CLSTN2: variants seen among roughly 807,000 people sequenced by gnomAD.
CLSTN2 encodes calsyntenin 2.
A neutral mutation model predicts 101.2 loss-of-function variants in CLSTN2; 48 were observed. The ratio of observed to expected loss-of-function variants is 0.47; its 90% confidence interval spans 0.38 to 0.60. The LOEUF (loss-of-function observed/expected upper bound fraction) is 0.60. Ranked by LOEUF, CLSTN2 falls within the 20% of genes least tolerant of loss-of-function variation. The pLI is 0.00. For missense variants in CLSTN2, 1,160 were observed against 1,238.2 expected (o/e 0.94, Z 0.95); for synonymous variants, 481 against 463.6 (o/e 1.04, Z -0.48).
Position 140,206,676 on chromosome 3 carries a change from C to A in CLSTN2, c.232+30603C>A, listed in dbSNP as rs561803779. On this transcript the variant is annotated intron_variant, in intron 2 of 16. Transcript: ENST00000458420. ...GTGCTGCCAAATGGATTTGAAGCAG[C>A]CGAGGAGAGAGGCTGAGACTAGGTT... 3.9e-5 allele frequency among the ~76,000 whole-genome samples: 6 copies of A among 152,268 alleles called. No individual in the cohort carries two copies. In the South Asian group the frequency reaches 1.2e-3, roughly 32 times the overall value.
intron 2 of CLSTN2, among the ~76,000 whole-genome samples, chr3:140,191,418 A>G (rs1297861765): frequency 1.3e-5 from 2 of 152,042 alleles, no homozygotes; most frequent in African/African-American, 2.4e-5. Flanking sequence ...ATACTACTTC[A>G]TAAAGTGAAT....
intron 1 of CLSTN2, among the ~76,000 whole-genome samples, chr3:139,940,644 C>A (rs1299185781): frequency 6.6e-6 from 1 of 152,090 alleles, no homozygotes; most frequent in Non-Finnish European, 1.5e-5. Context: ...GCCTCTCTCT[C>A]CTTGTGTGGA....
chr3:140,109,886 T>G (rs1162184377), intron 1 of CLSTN2, among the ~76,000 whole-genome samples: 1 of 152,144 alleles, frequency 6.6e-6, no homozygotes, highest in Non-Finnish European at 1.5e-5. Context: ...CATGCTCCTC[T>G]CTGTGGCTTG....
At chr3:140,386,154 A>G (rs866232430) in intron 2 of CLSTN2, among the ~76,000 whole-genome samples, 3 of 152,218 alleles carry the variant, frequency 2.0e-5, no homozygotes, top group Non-Finnish European at 4.4e-5. Flanking sequence ...AAACTTCACA[A>G]TAGCCCAATA....
chr3:140,098,634 C>T lies in CLSTN2; in HGVS notation c.110-77317C>T, dbSNP rs143026078. 4.6e-3 allele frequency among the ~76,000 whole-genome samples: 700 copies of T among 152,268 alleles called. 6 individuals carry two copies. The highest frequency in any genetic ancestry group is 0.016 in the African/African-American group (656 of 41,558). On this transcript the variant is annotated intron_variant, in intron 1 of 16. Coordinates refer to ENST00000458420, the MANE Select transcript of CLSTN2 (RefSeq NM_022131.3). ...TGGCTGGAGATTTTATTCATTCCCC[C>T]GGCTTTAGAAGCAATTACTAAATAC...
At chr3:140,286,282 T>C (rs1259450042) in intron 2 of CLSTN2, among the ~76,000 whole-genome samples, 2 of 152,140 alleles carry the variant, frequency 1.3e-5, no homozygotes, top group African/African-American at 4.8e-5. Context: ...TTTTCCGTCA[T>C]TGATAGGTGT....
intron 4 of CLSTN2, among the ~76,000 whole-genome samples, chr3:140,409,405 A>G (rs1286021582): frequency 6.6e-6 from 1 of 152,164 alleles, no homozygotes; most frequent in Non-Finnish European, 1.5e-5. Flanking sequence ...CACAGTTGCA[A>G]ATGTTACAGA....
intron 2 of CLSTN2, among the ~76,000 whole-genome samples, chr3:140,344,437 C>G (rs532993109): frequency 1.3e-5 from 2 of 152,160 alleles, no homozygotes; most frequent in African/African-American, 4.8e-5. Context: ...CAGAGACAAC[C>G]CCAGGAGGCA....
chr3:140,437,299 C>T (rs552801143), intron 5 of CLSTN2, among the ~76,000 whole-genome samples: 1 of 152,272 alleles, frequency 6.6e-6, no homozygotes, highest in South Asian at 2.1e-4. Flanking sequence ...CCGCCTGCCT[C>T]AGCCTCCCAA....
At chr3:140,521,252 G>T (rs1044759180) in intron 8 of CLSTN2, among the ~76,000 whole-genome samples, 1 of 152,072 alleles carries the variant, frequency 6.6e-6, no homozygotes, top group Non-Finnish European at 1.5e-5. Flanking sequence ...GCATTTATTC[G>T]TTCTCATCTT....
At chr3:140,262,465 A>AT (rs1350834632) in intron 2 of CLSTN2, among the ~76,000 whole-genome samples, 1 of 141,100 alleles carries the variant, frequency 7.1e-6, no homozygotes, top group African/African-American at 2.8e-5. Flanking sequence ...TCGAAATGAA[A>AT]TTATTTTTTA....
At chr3:140,002,358 T>G (rs1404372246) in intron 1 of CLSTN2, among the ~76,000 whole-genome samples, 1 of 152,258 alleles carries the variant, frequency 6.6e-6, no homozygotes, top group Non-Finnish European at 1.5e-5. Flanking sequence ...TTTGTATGTC[T>G]TCTTTTGAGA....
intron 2 of CLSTN2, among the ~76,000 whole-genome samples, chr3:140,186,736 A>AT (rs1368666074): frequency 6.6e-6 from 1 of 152,190 alleles, no homozygotes; most frequent in Admixed American, 6.5e-5. Context: ...ATTATTATTT[A>AT]TCTAAGTTAT....
chr3:139,971,013 A>T (rs1290025021), intron 1 of CLSTN2, among the ~76,000 whole-genome samples: 1 of 152,206 alleles, frequency 6.6e-6, no homozygotes, highest in African/African-American at 2.4e-5. Flanking sequence ...GCCTTGAGGA[A>T]ATCAATCAAA....
At chr3:140,260,146 ATATATATATAT>A (rs2086638808) in intron 2 of CLSTN2, among the ~76,000 whole-genome samples, 1 of 148,246 alleles carries the variant, frequency 6.7e-6, no homozygotes, top group Admixed American at 6.8e-5. Flanking sequence ...ATATATATAT[ATATATATATAT>A]TATATATAAA....
intron 5 of CLSTN2, among the ~76,000 whole-genome samples, chr3:140,426,305 G>A (rs1295771210): frequency 3.9e-5 from 6 of 152,158 alleles, no homozygotes; most frequent in Admixed American, 3.9e-4. Context: ...AGGCCCCAGT[G>A]TGTGATGTTC....
Position 140,563,170 on chromosome 3 carries a change from C to T in CLSTN2, c.2449C>T (p.Pro817Ser). 1 of 1,614,126 alleles carries T rather than the reference C, an allele frequency of 6.2e-7. No homozygotes were observed. The highest frequency in any genetic ancestry group is 8.5e-7 in the Non-Finnish European group (1 of 1,180,002). ...TCCCTTCCTCCAGTCTGTCCATCATCCTGAGTCCCGGAGTAGCATCCAGCA... is the reference window on the plus strand; with the variant it reads ...TCCCTTCCTCCAGTCTGTCCATCATTCTGAGTCCCGGAGTAGCATCCAGCA... Reference protein sequence around the residue: ...QPPFLQSVHHPESRSSIQHSS... With the variant: ...QPPFLQSVHHSESRSSIQHSS... Residue 817 changes from proline (P) to serine (S), a missense_variant, in exon 15 of 17, where the codon CCT becomes TCT. By Grantham distance (74) the Pro-to-Ser change is moderately conservative. Coordinates refer to ENST00000458420, the MANE Select transcript of CLSTN2 (RefSeq NM_022131.3).
chr3:140,406,899 A>C (rs547967714), intron 4 of CLSTN2, among the ~76,000 whole-genome samples: 21 of 152,382 alleles, frequency 1.4e-4, no homozygotes, highest in Non-Finnish European at 2.6e-4. Flanking sequence ...AAACTGCCCC[A>C]GTCATGAAGA....
At chr3:140,287,368 G>A (rs538996534) in intron 2 of CLSTN2, among the ~76,000 whole-genome samples, 32 of 152,276 alleles carry the variant, frequency 2.1e-4, no homozygotes, top group African/African-American at 7.0e-4. Flanking sequence ...CAGTGTTTGG[G>A]CATTGGAGTG....
Sources: allele counts gnomAD v4.1 joint callset (sites outside exome capture counted in the v4.1 genomes callset), GRCh38; gene constraint gnomAD v4.1.1; transcripts MANE v1.5; gene names NCBI Gene and HGNC (gene_info 2026-07-23, HGNC 2026-07-21).